Variants in PTN observed in about 807,000 individuals in gnomAD.
The protein encoded by PTN is heparin affin regulatory protein.
PTN carries 18 observed loss-of-function variants against 24.1 expected under a neutral mutation model. The ratio of observed to expected loss-of-function variants is 0.75; its 90% confidence interval spans 0.52 to 1.11. The LOEUF (loss-of-function observed/expected upper bound fraction) is 1.11. Ranked by LOEUF, PTN falls within the 50% of genes least tolerant of loss-of-function variation. PTN has a pLI of 0.00. For missense variants in PTN, 163 were observed against 198.8 expected, an observed-to-expected ratio of 0.82 and a Z score of 1.08; for synonymous variants, 78 against 68.6, an observed-to-expected ratio of 1.14 and a Z score of -0.67.
At chr7:137,299,188 C>T (rs1296799036) in intron 1 of PTN, among the ~76,000 whole-genome samples, 3 of 151,924 alleles carry the variant, frequency 2.0e-5, no homozygotes, top group South Asian at 4.1e-4. Flanking sequence ...GAGGTCACGT[C>T]CTTTAGTCAT....
intron 4 of PTN, among the ~76,000 whole-genome samples, chr7:137,245,004 G>A (rs970296703): frequency 1.3e-5 from 2 of 152,092 alleles, no homozygotes; most frequent in African/African-American, 4.8e-5. Context: ...ACATTCTCCA[G>A]CCTTTCCTCA....
intron 1 of PTN, among the ~76,000 whole-genome samples, chr7:137,278,306 CAAAAAAAAAAAAAAAAAAAA>C (rs71176391): frequency 1.6e-5 from 1 of 62,850 alleles, no homozygotes; most frequent in South Asian, 8.6e-4. Context: ...GACTCCGTCT[CAAAAAAAAAAAAAAAAAAAA>C]AAAAAAAAAA....
intron 1 of PTN, among the ~76,000 whole-genome samples, chr7:137,320,487 G>A (rs1463300084): frequency 6.6e-6 from 1 of 152,142 alleles, no homozygotes; most frequent in Non-Finnish European, 1.5e-5. Context: ...GCACAATCAA[G>A]TATGCAGTGA....
At chr7:137,282,664 C>A (rs1809491684) in intron 1 of PTN, among the ~76,000 whole-genome samples, 2 of 152,206 alleles carry the variant, frequency 1.3e-5, no homozygotes, top group South Asian at 4.1e-4. Flanking sequence ...AATGGGTACA[C>A]AACAAAGCAT....
intron 1 of PTN, among the ~76,000 whole-genome samples, chr7:137,269,438 T>C (rs1209261765): frequency 6.6e-6 from 1 of 152,108 alleles, no homozygotes; most frequent in Non-Finnish European, 1.5e-5. Flanking sequence ...CTGTCAGATC[T>C]GTCTCATGTT....
intron 1 of PTN, among the ~76,000 whole-genome samples, chr7:137,288,737 C>T (rs964399466): frequency 1.3e-5 from 2 of 152,076 alleles, no homozygotes; most frequent in Non-Finnish European, 2.9e-5. Context: ...AGTTTGAAAA[C>T]TTTAGACCTA....
rs186199011 is a variant in PTN at position 137,342,799 on chromosome 7, A to T, written c.-2+640T>A. Among the ~76,000 whole-genome samples the T allele has an allele frequency of 2.2e-4, 33 of 152,308 alleles. No individual in the cohort carries two copies. The East Asian group carries it at 6.0e-3, about 28-fold the overall frequency. On this transcript the variant is annotated intron_variant, in intron 1 of 4. Transcript: ENST00000348225. The stretch of plus-strand genomic sequence containing the variant: ...GGCAGTTCTTTAAATTTGCATTCAA[A>T]TGAGAGATGGGACTCCAGGTGTGTC...
chr7:137,291,309 A>T (rs534330970), intron 1 of PTN, among the ~76,000 whole-genome samples: 65 of 152,300 alleles, frequency 4.3e-4, no homozygotes, highest in African/African-American at 1.4e-3. Flanking sequence ...GCTATATTTT[A>T]TACTACATGT....
chr7:137,283,442 G>GA (rs1436497948), intron 1 of PTN, among the ~76,000 whole-genome samples: 4 of 152,160 alleles, frequency 2.6e-5, no homozygotes, highest in Admixed American at 2.0e-4. Flanking sequence ...TGAAAAAAAG[G>GA]AAAAAACGAG....
At chr7:137,312,452 G>C (rs1328787765) in intron 1 of PTN, among the ~76,000 whole-genome samples, 1 of 152,218 alleles carries the variant, frequency 6.6e-6, no homozygotes, top group East Asian at 1.9e-4. Flanking sequence ...TTGACAATTT[G>C]CCTGGGTGGT....
chr7:137,322,433 T>C (rs1810178654), intron 1 of PTN, among the ~76,000 whole-genome samples: 1 of 152,200 alleles, frequency 6.6e-6, no homozygotes, highest in Admixed American at 6.5e-5. Context: ...AAACTTGAGA[T>C]ACATAGGCAG....
chr7:137,320,508 T>C (rs1429410494), intron 1 of PTN, among the ~76,000 whole-genome samples: 1 of 152,198 alleles, frequency 6.6e-6, no homozygotes, highest in Non-Finnish European at 1.5e-5. Flanking sequence ...CTTGCATTTA[T>C]TATAGAGATT....
chr7:137,328,060 T>C (rs1430123853), intron 1 of PTN, among the ~76,000 whole-genome samples: 1 of 152,188 alleles, frequency 6.6e-6, no homozygotes. Flanking sequence ...TCACTAACTA[T>C]ATTATAAAAT....
At chr7:137,232,014 G>A (rs1019764430) in intron 4 of PTN, among the ~76,000 whole-genome samples, 9 of 151,846 alleles carry the variant, frequency 5.9e-5, no homozygotes, top group South Asian at 4.2e-4. Context: ...GTCATATAGC[G>A]GCTACTCTAG....
Position 137,251,345 on chromosome 7 carries a change from G to C in PTN, c.336C>G (p.Asn112Lys). The change falls in exon 4 of 5, where the codon AAC becomes AAG. Residue 112 changes from asparagine (N) to lysine (K), a missense_variant. Physicochemically the swap from Asn to Lys is moderately conservative, Grantham distance 94. Transcript: ENST00000348225. ...QFQAWGECDL[N>K]TALKTRTGSL... ...TTCCAGTTCTGGTCTTCAGGGCTGT[G>C]TTCAGGTCACATTCTCCCCAGGCCT... 6.2e-7 allele frequency: 1 copy of C among 1,614,076 alleles called. No homozygotes were observed. Among genetic ancestry groups the C allele is most frequent in the Non-Finnish European group, 8.5e-7 (1 of 1,180,000 alleles).
chr7:137,239,548 C>A (rs955978869), intron 4 of PTN, among the ~76,000 whole-genome samples: 1 of 152,148 alleles, frequency 6.6e-6, no homozygotes, highest in East Asian at 1.9e-4. Context: ...TATCCCTCCC[C>A]CCTCCTCCCA....
intron 1 of PTN, among the ~76,000 whole-genome samples, chr7:137,286,284 C>T (rs1809552957): frequency 6.6e-6 from 1 of 152,162 alleles, no homozygotes; most frequent in African/African-American, 2.4e-5. Context: ...ACTATACCTA[C>T]AAGGTTTGAT....
intron 1 of PTN, among the ~76,000 whole-genome samples, chr7:137,313,784 T>C (rs938955873): frequency 1.3e-5 from 2 of 152,234 alleles, no homozygotes; most frequent in African/African-American, 4.8e-5. Flanking sequence ...AGAGCTAATG[T>C]ACTACAGATA....
At chr7:137,252,365 C>A (rs746391641) in intron 3 of PTN, among the ~76,000 whole-genome samples, 1 of 151,734 alleles carries the variant, frequency 6.6e-6, no homozygotes, top group Non-Finnish European at 1.5e-5. Flanking sequence ...GTTTTTTCCC[C>A]ACTTTCTTAT....
Sources: gnomAD v4.1 joint callset for allele counts (sites outside exome capture counted in the v4.1 genomes callset) on GRCh38, gnomAD v4.1.1 for gene constraint, MANE v1.5 for transcripts, NCBI Gene and HGNC (gene_info 2026-07-23, HGNC 2026-07-21) for gene names.